Variants in ABCC4 observed in about 807,000 individuals in gnomAD.
ABCC4 encodes ATP-binding cassette sub-family C member 4.
ABCC4 carries 102 observed loss-of-function variants against 168.5 expected under a neutral mutation model. The observed-to-expected ratio is 0.61, with a 90% CI of 0.52 to 0.71. The LOEUF is 0.71. ABCC4 is among the 30% of genes least tolerant of loss of function. ABCC4 has a pLI of 0.00. For missense variants in ABCC4, 1,402 were observed against 1,605.8 expected, an observed-to-expected ratio of 0.87 and a Z score of 2.17; for synonymous variants, 617 against 590.7, an observed-to-expected ratio of 1.04 and a Z score of -0.65.
At chr13:95,297,918 G>A (rs1404383545) in intron 1 of ABCC4, among the ~76,000 whole-genome samples, 2 of 152,076 alleles carry the variant, frequency 1.3e-5, no homozygotes, top group Non-Finnish European at 2.9e-5. Flanking sequence ...CTCTGGGCCT[G>A]ATAATTTAAA....
chr13:95,043,340 G>A (rs1412535373), intron 29 of ABCC4: 1 of 210,702 alleles, frequency 4.7e-6, no homozygotes, highest in Admixed American at 5.4e-5. Context: ...GATCAAGCAT[G>A]CTGAAACAAC....
chr13:95,246,933 AT>A (rs767132084), intron 3 of ABCC4, 41 bp downstream of exon 3: 39 of 1,600,518 alleles, frequency 2.4e-5, no homozygotes, highest in Non-Finnish European at 3.1e-5. Context: ...CATTTACTCT[AT>A]GTGTCCTGAA....
intron 19 of ABCC4, among the ~76,000 whole-genome samples, chr13:95,146,883 A>C (rs2036517507): frequency 6.6e-6 from 1 of 152,232 alleles, no homozygotes; most frequent in Non-Finnish European, 1.5e-5. Flanking sequence ...GAGAACTAGA[A>C]TGCAACTGCC....
intron 30 of ABCC4, among the ~76,000 whole-genome samples, chr13:95,028,995 A>G (rs1368608149): frequency 2.0e-5 from 3 of 151,556 alleles, no homozygotes; most frequent in Non-Finnish European, 2.9e-5. Context: ...GTAAAAACCC[A>G]TCTCTACTAA....
At chr13:95,296,475 C>A (rs2041538854) in intron 1 of ABCC4, among the ~76,000 whole-genome samples, 1 of 152,190 alleles carries the variant, frequency 6.6e-6, no homozygotes, top group Non-Finnish European at 1.5e-5. Flanking sequence ...CTCTCTAGGG[C>A]AGGTCTCCAG....
intron 19 of ABCC4, among the ~76,000 whole-genome samples, chr13:95,151,418 T>C (rs1369063354): frequency 6.8e-6 from 1 of 146,544 alleles, no homozygotes; most frequent in Non-Finnish European, 1.5e-5. Context: ...GAGGTTGCAA[T>C]GAGCTGAGAT....
In ABCC4 at chr13:95,021,524, CA is replaced by C; in HGVS notation, c.*50del. On this transcript the variant is annotated 3_prime_UTR_variant, in exon 31 of 31. Transcript: ENST00000645237. Reference sequence around the variant, plus strand: ...AAAGTACAATGTGGTTTACATAGTCCAAAAACTAGTGGAAAATGCCTTCGGA... The same window carrying C: ...AAAGTACAATGTGGTTTACATAGTCCAAAACTAGTGGAAAATGCCTTCGGA... 7.3e-7 allele frequency: 1 copy of C among 1,376,468 alleles called. No homozygotes were observed. Among genetic ancestry groups the C allele is most frequent in the South Asian group, 1.2e-5 (1 of 83,420 alleles). 85.3% of individuals were successfully genotyped at this position (1,376,468 alleles called of 1,614,324 possible).
At chr13:95,117,634 A>C (rs2035424479) in intron 19 of ABCC4, among the ~76,000 whole-genome samples, 1 of 152,226 alleles carries the variant, frequency 6.6e-6, no homozygotes, top group Non-Finnish European at 1.5e-5. Context: ...ATCAATACCA[A>C]TAAAAGGAAA....
At chr13:95,236,776 C>T (rs1373583470) in intron 3 of ABCC4, among the ~76,000 whole-genome samples, 1 of 152,186 alleles carries the variant, frequency 6.6e-6, no homozygotes, top group African/African-American at 2.4e-5. Flanking sequence ...ACATTTCCAG[C>T]ATGGCCAATC....
intron 1 of ABCC4, among the ~76,000 whole-genome samples, chr13:95,270,253 T>A (rs1427856508): frequency 6.6e-6 from 1 of 150,828 alleles, no homozygotes; most frequent in Non-Finnish European, 1.5e-5. Flanking sequence ...CAACAATGAC[T>A]GTGGGAAGGG....
At chr13:95,263,070 C>A (rs530368182) in intron 1 of ABCC4, among the ~76,000 whole-genome samples, 103 of 152,152 alleles carry the variant, frequency 6.8e-4, no homozygotes, top group Non-Finnish European at 1.0e-3. Flanking sequence ...AAGCATCATG[C>A]TCAAGTGCAG....
At chr13:95,253,199 G>A (rs2040310607) in intron 1 of ABCC4, among the ~76,000 whole-genome samples, 1 of 152,176 alleles carries the variant, frequency 6.6e-6, no homozygotes, top group African/African-American at 2.4e-5. Context: ...CTCCATTGAA[G>A]AAATGATGCT....
At chr13:95,072,899 G>C (rs1029697679) in intron 24 of ABCC4, among the ~76,000 whole-genome samples, 3 of 152,056 alleles carry the variant, frequency 2.0e-5, no homozygotes. Context: ...AATTAAACAG[G>C]CTTCTAAGAA....
intron 29 of ABCC4, among the ~76,000 whole-genome samples, chr13:95,038,826 C>T (rs2032237966): frequency 6.6e-6 from 1 of 152,116 alleles, no homozygotes; most frequent in African/African-American, 2.4e-5. Flanking sequence ...GAGTGAGATC[C>T]AGCAGAGAAA....
intron 1 of ABCC4, among the ~76,000 whole-genome samples, chr13:95,279,700 G>C (rs1305428766): frequency 6.6e-6 from 1 of 152,160 alleles, no homozygotes; most frequent in Non-Finnish European, 1.5e-5. Flanking sequence ...GCTTTTTGTG[G>C]ATTTTTGTGG....
chr13:95,163,031 C>A, intron 18 of ABCC4, 91 bp downstream of exon 18: 1 of 830,770 alleles, frequency 1.2e-6, no homozygotes, highest in Non-Finnish European at 2.1e-6. Flanking sequence ...TAAGACATTA[C>A]TGAATGACTC....
At chr13:95,135,842 C>T (rs1374006299) in intron 19 of ABCC4, among the ~76,000 whole-genome samples, 1 of 152,078 alleles carries the variant, frequency 6.6e-6, no homozygotes, top group Non-Finnish European at 1.5e-5. Flanking sequence ...TAAAAACTAC[C>T]TACTGTATGT....
At chr13:95,128,404 T>C (rs1395722222) in intron 19 of ABCC4, among the ~76,000 whole-genome samples, 1 of 152,176 alleles carries the variant, frequency 6.6e-6, no homozygotes, top group Non-Finnish European at 1.5e-5. Context: ...AGACATCAAA[T>C]CTCTGTGCAT....
intron 19 of ABCC4, among the ~76,000 whole-genome samples, chr13:95,139,319 G>A (rs886592072): frequency 6.6e-6 from 1 of 152,228 alleles, no homozygotes; most frequent in African/African-American, 2.4e-5. Context: ...AAGGAGGGAT[G>A]AAGGAGGTCA....
Sources: allele counts gnomAD v4.1 joint callset (sites outside exome capture counted in the v4.1 genomes callset), GRCh38; gene constraint gnomAD v4.1.1; transcripts MANE v1.5; gene names NCBI Gene and HGNC (gene_info 2026-07-23, HGNC 2026-07-21).